The following THSD4 variants were observed in gnomAD, a reference collection of about 807,000 sequenced individuals.
THSD4 encodes the protein thrombospondin type 1 domain containing 4.
A neutral mutation model predicts 119.0 loss-of-function variants in THSD4; 69 were observed. That is an observed-to-expected ratio of 0.58 (90% CI 0.48 to 0.71). The LOEUF is 0.71. THSD4 is among the 30% of genes least tolerant of loss of function. The probability of loss-of-function intolerance (pLI) is 0.00; values close to 1 mark genes in which losing one functional copy is unlikely to be tolerated. For missense variants in THSD4, 1,393 were observed against 1,391.1 expected, an observed-to-expected ratio of 1.00 and a Z score of -0.02; for synonymous variants, 524 against 540.4, an observed-to-expected ratio of 0.97 and a Z score of 0.42.
chr15:71,672,424 A>G (rs1385565697), intron 8 of THSD4, among the ~76,000 whole-genome samples: 2 of 152,340 alleles, frequency 1.3e-5, no homozygotes, highest in East Asian at 3.9e-4. Flanking sequence ...CAATCATGTC[A>G]TCTGCAAACA....
rs190621641 is a variant in THSD4, at chr15:71,450,038, G to A, written c.1152+38215G>A. 2.5e-4 allele frequency among the ~76,000 whole-genome samples: 38 copies of A among 152,316 alleles called. No homozygotes were observed. In the East Asian group the frequency reaches 2.7e-3, roughly 11 times the overall value. On this transcript the variant is annotated intron_variant, in intron 7 of 17. Transcript: ENST00000261862. The stretch of plus-strand genomic sequence containing the variant: ...TAGGGCAGCTGTCCAGGGTGGACAC[G>A]GATGGCCATAGGAGTTGTGATGTGC...
intron 7 of THSD4, among the ~76,000 whole-genome samples, chr15:71,506,709 G>A (rs888791004): frequency 5.3e-5 from 8 of 152,152 alleles, no homozygotes; most frequent in South Asian, 2.1e-4. Flanking sequence ...CACTTACGGC[G>A]GCCTGAAGAG....
intron 7 of THSD4, among the ~76,000 whole-genome samples, chr15:71,640,889 G>T (rs2050844093): frequency 6.6e-6 from 1 of 152,106 alleles, no homozygotes; most frequent in Non-Finnish European, 1.5e-5. Flanking sequence ...GACCAGGTCA[G>T]TGCTAGGCAC....
intron 8 of THSD4, among the ~76,000 whole-genome samples, chr15:71,707,930 C>T (rs754570888): frequency 6.6e-6 from 1 of 152,192 alleles, no homozygotes; most frequent in Non-Finnish European, 1.5e-5. Context: ...CTGTGTTGTG[C>T]AAGAGTATAT....
intron 6 of THSD4, among the ~76,000 whole-genome samples, chr15:71,368,952 T>C (rs1474249264): frequency 6.6e-6 from 1 of 152,220 alleles, no homozygotes; most frequent in Non-Finnish European, 1.5e-5. Flanking sequence ...GTGTCCTCTT[T>C]TATTTTGTTG....
In THSD4 at chr15:71,762,178, C is replaced by CACACACACACAG. The variant is rs55645600; in HGVS notation, c.2590-2841_2590-2840insCACACACACAGA. Among the ~76,000 whole-genome samples the CACACACACACAG allele has an allele frequency of 3.4e-4, 50 of 147,604 alleles. 5 individuals carry two copies. The highest frequency in any genetic ancestry group is 2.6e-3 in the East Asian group (13 of 4,984). Reference sequence around the variant, plus strand: ...ACACACACACACACACACACACACACAGAGATAGAGATACACACACATGAA... The same window carrying CACACACACACAG: ...ACACACACACACACACACACACACACACACACACACAGAGAGATAGAGATACACACACATGAA... On this transcript the variant is annotated intron_variant, in intron 15 of 17. Coordinates refer to ENST00000261862, the MANE Select transcript of THSD4 (RefSeq NM_024817.3).
chr15:71,563,350 G>A (rs1229555308), intron 7 of THSD4, among the ~76,000 whole-genome samples: 2 of 152,208 alleles, frequency 1.3e-5, no homozygotes, highest in African/African-American at 2.4e-5. Context: ...CCTGAAGGCC[G>A]CTTACTTGGA....
At chr15:71,582,611 T>C (rs968770045) in intron 7 of THSD4, among the ~76,000 whole-genome samples, 2 of 152,200 alleles carry the variant, frequency 1.3e-5, no homozygotes, top group African/African-American at 4.8e-5. Context: ...TGGCTTTAGC[T>C]GTGGGCTTGC....
intron 3 of THSD4, among the ~76,000 whole-genome samples, chr15:71,176,250 G>A (rs1250216438): frequency 2.9e-4 from 16 of 54,600 alleles, no homozygotes; most frequent in African/African-American, 1.2e-3. Context: ...CCCATCTCAC[G>A]TGCAGAGACA....
intron 1 of THSD4, among the ~76,000 whole-genome samples, chr15:71,097,708 GTATATA>G (rs199991097): frequency 8.7e-5 from 12 of 138,200 alleles, no homozygotes; most frequent in African/African-American, 3.1e-4. Context: ...ACAGAAAGAT[GTATATA>G]TATATATATA....
chr15:71,761,190 C>T (rs577211492), intron 15 of THSD4, among the ~76,000 whole-genome samples: 10 of 151,982 alleles, frequency 6.6e-5, no homozygotes, highest in Non-Finnish European at 1.3e-4. Context: ...TTCTTAATTC[C>T]ATTTTTTCCC....
rs781438435 is a variant in THSD4 at position 71,338,170 on chromosome 15, C to T, written c.1016-73517C>T. Among the ~76,000 whole-genome samples, 6 of 152,118 alleles carry T rather than the reference C, an allele frequency of 3.9e-5. No individual in the cohort carries two copies. In the East Asian group the frequency reaches 1.2e-3, roughly 29 times the overall value. On this transcript the variant is annotated intron_variant, in intron 6 of 17. Transcript: ENST00000261862. ...GAATCAGAAGTTTGAGCTTTGAATC[C>T]TGGAGTTTCCCTAATTAGCTGTGTG...
chr15:71,331,892 G>C (rs749725982), intron 6 of THSD4, among the ~76,000 whole-genome samples: 5 of 143,296 alleles, frequency 3.5e-5, no homozygotes, highest in Non-Finnish European at 6.0e-5. Context: ...ATACAGACAT[G>C]ATAAAATTCT....
At chr15:71,669,498 C>A (rs1032582890) in intron 8 of THSD4, among the ~76,000 whole-genome samples, 1 of 152,004 alleles carries the variant, frequency 6.6e-6, no homozygotes, top group Non-Finnish European at 1.5e-5. Flanking sequence ...ACAATTCTGT[C>A]CTTTTTTTTT....
At chr15:71,627,673 C>A (rs1356683526) in intron 7 of THSD4, among the ~76,000 whole-genome samples, 1 of 152,126 alleles carries the variant, frequency 6.6e-6, no homozygotes, top group Non-Finnish European at 1.5e-5. Flanking sequence ...AATTAAGAAT[C>A]CCCATGGAAT....
chr15:71,573,503 C>G (rs185969755), intron 7 of THSD4, among the ~76,000 whole-genome samples: 1 of 152,296 alleles, frequency 6.6e-6, no homozygotes, highest in Admixed American at 6.5e-5. Context: ...CCTTTCAAAA[C>G]TTTAATCTGT....
intron 7 of THSD4, among the ~76,000 whole-genome samples, chr15:71,456,647 C>A (rs1421603834): frequency 6.6e-6 from 1 of 152,136 alleles, no homozygotes. Flanking sequence ...GGAGCCCCAC[C>A]TTGAGGCTGC....
intron 1 of THSD4, among the ~76,000 whole-genome samples, chr15:71,121,120 G>A (rs766330970): frequency 2.7e-5 from 4 of 147,060 alleles, no homozygotes; most frequent in Non-Finnish European, 4.5e-5. Flanking sequence ...GAAATGTCGC[G>A]TCTCTGATCA....
chr15:71,639,062 C>T (rs2050805225), intron 7 of THSD4, among the ~76,000 whole-genome samples: 1 of 152,148 alleles, frequency 6.6e-6, no homozygotes, highest in African/African-American at 2.4e-5. Flanking sequence ...ATGAAAGTGA[C>T]ACCTGCCACT....
Sources: gnomAD v4.1 joint callset for allele counts (sites outside exome capture counted in the v4.1 genomes callset) on GRCh38, gnomAD v4.1.1 for gene constraint, MANE v1.5 for transcripts, NCBI Gene and HGNC (gene_info 2026-07-23, HGNC 2026-07-21) for gene names.